The following WWP2 variants were observed in gnomAD, a reference collection of about 807,000 sequenced individuals.
The protein encoded by WWP2 is NEDD4-like E3 ubiquitin-protein ligase WWP2.
WWP2 carries 57 observed loss-of-function variants against 121.0 expected under a neutral mutation model. The ratio of observed to expected loss-of-function variants is 0.47; its 90% CI spans 0.38 to 0.59. The LOEUF (loss-of-function observed/expected upper bound fraction) is 0.59, where lower values mean the gene tolerates loss of function less well. WWP2 is among the 20% of genes least tolerant of loss of function. WWP2 has a pLI of 0.00. For missense variants in WWP2, 962 were observed against 1,158.9 expected (o/e 0.83, Z 2.47); for synonymous variants, 449 against 441.3 (o/e 1.02, Z -0.22).
At chr16:69,780,579 C>G (rs929017563) in intron 1 of WWP2, among the ~76,000 whole-genome samples, 5 of 152,172 alleles carry the variant, frequency 3.3e-5, no homozygotes, top group African/African-American at 1.2e-4. Context: ...TGCGCTGCCT[C>G]CACAGGCATG....
intron 6 of WWP2, among the ~76,000 whole-genome samples, chr16:69,845,609 G>A (rs1003595154): frequency 1.3e-5 from 2 of 151,948 alleles, no homozygotes; most frequent in Non-Finnish European, 2.9e-5. Context: ...TCTTTCCTCT[G>A]CTTGGTAAAG....
chr16:69,849,700 T>A (rs2057165042), intron 6 of WWP2, among the ~76,000 whole-genome samples: 1 of 152,006 alleles, frequency 6.6e-6, no homozygotes, highest in Non-Finnish European at 1.5e-5. Flanking sequence ...CCCAGCTCTT[T>A]GGGAGGCTGA....
At chr16:69,856,085 A>G (rs1309867000) in intron 6 of WWP2, among the ~76,000 whole-genome samples, 2 of 152,190 alleles carry the variant, frequency 1.3e-5, no homozygotes, top group African/African-American at 2.4e-5. Flanking sequence ...TAGCCTGGGC[A>G]GCATAACAAG....
rs570861993 is a variant in WWP2, at chr16:69,832,764, AAC to A, written c.341-7361_341-7360del. Among the ~76,000 whole-genome samples the A allele has an allele frequency of 5.4e-3, 815 of 152,260 alleles. 6 individuals carry two copies. Among genetic ancestry groups the A allele is most frequent in the African/African-American group, 0.019 (770 of 41,554 alleles). On this transcript the variant is annotated intron_variant, in intron 4 of 23. Transcript: ENST00000359154. Reference sequence around the variant, plus strand: ...TTGCCATGTTGGCCAGGCTGGCTTGAACTCCTGAACTCAAGTGATCTGCCTGC... The same window carrying A: ...TTGCCATGTTGGCCAGGCTGGCTTGATCCTGAACTCAAGTGATCTGCCTGC...
intron 8 of WWP2, among the ~76,000 whole-genome samples, chr16:69,894,292 G>C (rs970332256): frequency 1.3e-4 from 19 of 147,996 alleles, no homozygotes; most frequent in Admixed American, 1.1e-3. Context: ...TGTTGCCCAT[G>C]CGGATCTCAA....
intron 6 of WWP2, among the ~76,000 whole-genome samples, chr16:69,856,008 G>T (rs2057304250): frequency 6.6e-6 from 1 of 152,138 alleles, no homozygotes; most frequent in Admixed American, 6.5e-5. Context: ...ACAGTGGTAT[G>T]TGCCTATAGT....
chr16:69,762,587 G>GGC (rs2038636906), intron 1 of WWP2, among the ~76,000 whole-genome samples, 196 bp downstream of exon 1: 1 of 151,490 alleles, frequency 6.6e-6, no homozygotes, highest in South Asian at 2.1e-4. Context: ...GAGTGGGGTG[G>GGC]GCGCGCCGCG....
Position 69,940,016 on chromosome 16 carries a change from G to C in WWP2, c.*76G>C. On this transcript the variant is annotated 3_prime_UTR_variant, in exon 24 of 24. Coordinates refer to ENST00000359154, the MANE Select transcript of WWP2 (RefSeq NM_001270454.2). ...CCCTGCCTGAGAGGCCACTGGCCCCGCAGCCCTTGGGAGGCCCCCGTGGAT... is the reference window on the plus strand; with the variant it reads ...CCCTGCCTGAGAGGCCACTGGCCCCCCAGCCCTTGGGAGGCCCCCGTGGAT... 7.8e-7 allele frequency: 1 copy of C among 1,276,070 alleles called. No individual in the cohort carries two copies. The highest frequency in any genetic ancestry group is 1.1e-6 in the Non-Finnish European group (1 of 910,544). The allele number at this position is 1,276,070 out of a possible 1,614,324, so 79.0% of individuals were successfully genotyped here.
Position 69,935,978 on chromosome 16 carries a change from C to T in WWP2, c.1968C>T (p.Val656=). ...SIDPEFYNSI[V]WIKENNLEEC... Reference sequence around the variant, plus strand: ...ACCCTGAGTTCTACAACTCCATTGTCTGGATCAAGTGAGTTCCCTGCCCCC... The same window carrying T: ...ACCCTGAGTTCTACAACTCCATTGTTTGGATCAAGTGAGTTCCCTGCCCCC... The change falls in exon 18 of 24, where the codon GTC becomes GTT. Residue 656 remains valine (V), a synonymous_variant. Coordinates refer to ENST00000359154, the MANE Select transcript of WWP2 (RefSeq NM_001270454.2). This position sits in a 1 kb window ranked among gnomAD's most constrained non-coding sequence, Gnocchi z 5.2. 2 of 1,613,970 alleles carry T rather than the reference C, an allele frequency of 1.2e-6. No homozygotes were observed. Among genetic ancestry groups the T allele is most frequent in the South Asian group, 2.2e-5 (2 of 91,050 alleles).
chr16:69,913,473 G>A (rs1453432510), intron 9 of WWP2, among the ~76,000 whole-genome samples: 1 of 152,014 alleles, frequency 6.6e-6, no homozygotes, highest in Non-Finnish European at 1.5e-5. Context: ...CTGCGCTCCA[G>A]CCTGGGTGAC....
chr16:69,836,642 G>A (rs150801833), intron 4 of WWP2, among the ~76,000 whole-genome samples: 12 of 152,016 alleles, frequency 7.9e-5, no homozygotes, highest in Admixed American at 5.9e-4. Context: ...ACAGGGTCTC[G>A]CTCTGTCACA....
Position 69,937,510 on chromosome 16 carries a change from G to T in WWP2, c.2239-38G>T. The T allele has an allele frequency of 6.2e-7, 1 of 1,607,064 alleles. No individual in the cohort carries two copies. Among genetic ancestry groups the T allele is most frequent in the Non-Finnish European group, 8.5e-7 (1 of 1,174,124 alleles). On this transcript the variant is annotated intron_variant, in intron 20 of 23. Coordinates refer to ENST00000359154, the MANE Select transcript of WWP2 (RefSeq NM_001270454.2). This position sits in a 1 kb window ranked among gnomAD's most constrained non-coding sequence, Gnocchi z 6.6. ...CTAGCGAGTGGACGATGCGCGGGGA[G>T]GGACCTGCCGGGGATGCTGACTGCC...
intron 4 of WWP2, among the ~76,000 whole-genome samples, chr16:69,815,727 C>T (rs2056476790): frequency 6.8e-6 from 1 of 147,948 alleles, no homozygotes; most frequent in South Asian, 2.1e-4. Flanking sequence ...GCGGAGGTTG[C>T]AGTGAGCCGA....
intron 8 of WWP2, among the ~76,000 whole-genome samples, chr16:69,900,917 A>G (rs1479133324): frequency 2.6e-5 from 4 of 152,200 alleles, no homozygotes; most frequent in Non-Finnish European, 5.9e-5. Context: ...CTCCCATGCC[A>G]TCCTGTGTTT....
rs1203965363 is a variant in WWP2 at position 69,880,931 on chromosome 16, A to G, written c.704-7108A>G. Among the ~76,000 whole-genome samples, 3 of 152,238 alleles carry G rather than the reference A, an allele frequency of 2.0e-5. No individual in the cohort carries two copies. In the East Asian group the frequency reaches 5.8e-4, roughly 29 times the overall value. On this transcript the variant is annotated intron_variant, in intron 7 of 23. Transcript: ENST00000359154. ...CGCACCTAAGCATCTTGGAACACACAGTGGACTGGCAGTGTCTCTAGGATT... is the reference window on the plus strand; with the variant it reads ...CGCACCTAAGCATCTTGGAACACACGGTGGACTGGCAGTGTCTCTAGGATT...
intron 4 of WWP2, among the ~76,000 whole-genome samples, chr16:69,825,984 C>A (rs1006946144): frequency 6.6e-6 from 1 of 151,998 alleles, no homozygotes; most frequent in African/African-American, 2.4e-5. Context: ...AAAGTAGAAG[C>A]AGCCAGGCGC....
At chr16:69,856,395 C>T (rs528104506) in intron 6 of WWP2, among the ~76,000 whole-genome samples, 12 of 152,144 alleles carry the variant, frequency 7.9e-5, no homozygotes, top group Non-Finnish European at 1.6e-4. Flanking sequence ...CCACTATAAA[C>T]ATTTGGTAAA....
chr16:69,839,672 CAAAT>C (rs1023878677), intron 4 of WWP2, among the ~76,000 whole-genome samples: 2 of 152,138 alleles, frequency 1.3e-5, no homozygotes, highest in African/African-American at 4.8e-5. Flanking sequence ...TGTTTTAACA[CAAAT>C]AAGAAAAGAA....
chr16:69,915,398 G>T (rs2058464470), intron 9 of WWP2, among the ~76,000 whole-genome samples: 1 of 152,120 alleles, frequency 6.6e-6, no homozygotes. Context: ...GTCCATAAGC[G>T]ATAGCAAATA....
Sources: allele counts gnomAD v4.1 joint callset (sites outside exome capture counted in the v4.1 genomes callset), GRCh38; gene constraint gnomAD v4.1.1; non-coding constraint Gnocchi (gnomAD v3.1); transcripts MANE v1.5; gene names NCBI Gene and HGNC (gene_info 2026-07-23, HGNC 2026-07-21).